MTMR8: variants seen among roughly 807,000 people sequenced by gnomAD.
MTMR8 encodes phosphatidylinositol-3,5-bisphosphate 3-phosphatase MTMR8.
Under a neutral mutation model 39.3 loss-of-function variants are expected in MTMR8, and 65 were observed. The observed-to-expected ratio is 1.65, with a 90% CI of 1.35 to 2.03. MTMR8 has a LOEUF of 2.03. Ranked by LOEUF, MTMR8 falls within the 30% of genes most tolerant of loss-of-function variation. The pLI is 0.00. For synonymous variants in MTMR8, 245 were observed against 185.2 expected, an observed-to-expected ratio of 1.32 and a Z score of -2.62; for missense variants, 777 against 538.9, an observed-to-expected ratio of 1.44 and a Z score of -4.37.
At chrX:64,390,279 T>C (rs1270585312) in intron 1 of MTMR8, among the ~76,000 whole-genome samples, 1 of 112,300 alleles carries the variant, frequency 8.9e-6, no homozygotes, top group Admixed American at 9.4e-5. Flanking sequence ...TTCATACAAA[T>C]TGTAATCTCC....
In MTMR8 at chrX:64,337,395, T is replaced by A; in HGVS notation, c.976-2A>T. 2 of 1,207,105 alleles carry A rather than the reference T, an allele frequency of 1.7e-6. No individual in the cohort carries two copies. Among genetic ancestry groups the A allele is most frequent in the Non-Finnish European group, 2.2e-6 (2 of 893,158 alleles). The stretch of plus-strand genomic sequence containing the variant: ...ACTGGCCTTTTCTACCTTCACTGCC[T>A]GTGAAGACAAGAGGCAAAAAAGTAC... On this transcript the variant is annotated splice_acceptor_variant, in intron 8 of 13. Coordinates refer to ENST00000374852, the MANE Select transcript of MTMR8 (RefSeq NM_017677.4). LOFTEE classifies it high-confidence loss of function.
chrX:64,339,318 T>C (rs780695038), intron 8 of MTMR8, among the ~76,000 whole-genome samples: 2 of 111,282 alleles, frequency 1.8e-5, no homozygotes, highest in South Asian at 3.8e-4. Context: ...AATAGTTGGA[T>C]AAAAGTCAGG....
intron 6 of MTMR8, among the ~76,000 whole-genome samples, chrX:64,346,592 G>A (rs185567260): frequency 1.8e-5 from 2 of 109,664 alleles, no homozygotes; most frequent in Admixed American, 9.7e-5. Flanking sequence ...GCCTGGGTAG[G>A]CCACCTAATG....
chrX:64,387,218 G>T (rs1924583034), intron 1 of MTMR8, among the ~76,000 whole-genome samples: 1 of 111,116 alleles, frequency 9.0e-6, no homozygotes, highest in Non-Finnish European at 1.9e-5. Flanking sequence ...TGAGTAGTAG[G>T]AATTGAAAAA....
intron 3 of MTMR8, among the ~76,000 whole-genome samples, 153 bp downstream of exon 3, chrX:64,356,023 C>G (rs780594750): frequency 8.1e-5 from 9 of 111,539 alleles, no homozygotes; most frequent in Admixed American, 1.9e-4. Flanking sequence ...AAAATGAGTT[C>G]AGAGGTTATA....
At chrX:64,269,805 G>A (rs1306953457) in intron 13 of MTMR8, among the ~76,000 whole-genome samples, 3 of 110,966 alleles carry the variant, frequency 2.7e-5, no homozygotes, top group Admixed American at 9.6e-5. Context: ...AAGTCAACAG[G>A]GTTGTCTGGG....
intron 12 of MTMR8, among the ~76,000 whole-genome samples, chrX:64,311,936 G>A (rs1484603034): frequency 6.3e-5 from 7 of 110,962 alleles, no homozygotes; most frequent in Middle Eastern, 4.6e-3. Context: ...GTCAGGTAGC[G>A]TGATGCCTCC....
intron 10 of MTMR8, among the ~76,000 whole-genome samples, chrX:64,335,054 G>A (rs1923039655): frequency 9.0e-6 from 1 of 111,472 alleles, no homozygotes; most frequent in South Asian, 3.7e-4. Flanking sequence ...CTAGAGAGTG[G>A]CAACCAAATG....
chrX:64,334,673 G>A (rs1434994275), intron 10 of MTMR8, among the ~76,000 whole-genome samples: 1 of 105,886 alleles, frequency 9.4e-6, no homozygotes, highest in Non-Finnish European at 1.9e-5. Context: ...CACACCCTTT[G>A]ACCCAGCCAC....
chrX:64,350,098 A>C, intron 4 of MTMR8, 28 bp from the exon 5 acceptor site: 1 of 855,706 alleles, frequency 1.2e-6, no homozygotes, highest in Admixed American at 3.9e-5. Context: ...CAATATATAT[A>C]AATATATATT....
intron 12 of MTMR8, among the ~76,000 whole-genome samples, chrX:64,283,046 G>C (rs769126146): frequency 2.7e-5 from 3 of 112,245 alleles, no homozygotes; most frequent in Admixed American, 1.9e-4. Flanking sequence ...CCCAGGAAGC[G>C]CAAGGGGTCA....
intron 1 of MTMR8, among the ~76,000 whole-genome samples, chrX:64,394,657 A>C (rs925474934): frequency 1.8e-5 from 2 of 111,985 alleles, no homozygotes; most frequent in African/African-American, 6.5e-5. Flanking sequence ...ATGAGAGGAA[A>C]AAGTAGCAGA....
intron 12 of MTMR8, among the ~76,000 whole-genome samples, chrX:64,291,692 T>A (rs777957928): frequency 1.3e-4 from 15 of 111,938 alleles, no homozygotes; most frequent in African/African-American, 4.9e-4. Flanking sequence ...GAGGATTAAC[T>A]GTCAAAACAA....
At chrX:64,353,899 C>G (rs757999478) in intron 4 of MTMR8, among the ~76,000 whole-genome samples, 12 of 110,862 alleles carry the variant, frequency 1.1e-4, no homozygotes, top group Non-Finnish European at 1.9e-5. Flanking sequence ...TACACTCTAC[C>G]TTGGGCAACA....
rs746543495 is a variant in MTMR8, at chrX:64,364,924, G to A, written c.25-5397C>T. 1.6e-4 allele frequency among the ~76,000 whole-genome samples: 18 copies of A among 111,586 alleles called. 1 individual carries two copies. In the South Asian group the frequency reaches 5.8e-3, roughly 36 times the overall value. On this transcript the variant is annotated intron_variant, in intron 1 of 13. Coordinates refer to ENST00000374852, the MANE Select transcript of MTMR8 (RefSeq NM_017677.4). The stretch of plus-strand genomic sequence containing the variant: ...GTGTAGAGAAGACCTTAAATGACCC[G>A]ATGGAGCTGAAAACCATGGCACGAG...
intron 12 of MTMR8, among the ~76,000 whole-genome samples, chrX:64,284,180 C>G (rs951524283): frequency 5.4e-5 from 6 of 112,052 alleles, no homozygotes; most frequent in Admixed American, 9.5e-5. Context: ...GACGTACGCA[C>G]AAGCTTCAGT....
chrX:64,297,080 C>A (rs1237901489), intron 12 of MTMR8, among the ~76,000 whole-genome samples: 2 of 90,200 alleles, frequency 2.2e-5, no homozygotes, highest in African/African-American at 8.3e-5. Context: ...ATTTATAGTC[C>A]TTTGGGTATA....
chrX:64,377,909 C>A (rs1924312024), intron 1 of MTMR8, among the ~76,000 whole-genome samples: 1 of 111,714 alleles, frequency 9.0e-6, no homozygotes, highest in Admixed American at 9.5e-5. Context: ...CAGACTTCCC[C>A]CTTGCTGTTC....
At chrX:64,278,882 G>C (rs1299980584) in intron 12 of MTMR8, among the ~76,000 whole-genome samples, 2 of 111,563 alleles carry the variant, frequency 1.8e-5, no homozygotes, top group African/African-American at 6.5e-5. Flanking sequence ...CTATTTGCCT[G>C]GTTATCACCA....
Sources: gnomAD v4.1 joint callset for allele counts (sites outside exome capture counted in the v4.1 genomes callset) on GRCh38, gnomAD v4.1.1 for gene constraint, MANE v1.5 for transcripts, NCBI Gene and HGNC (gene_info 2026-07-23, HGNC 2026-07-21) for gene names.